The following DPP10 variants were observed in gnomAD, a reference collection of about 807,000 sequenced individuals.
DPP10 encodes the protein dipeptidyl peptidase like 10.
Under a neutral mutation model 120.9 loss-of-function variants are expected in DPP10, and 33 were observed. That is an observed-to-expected ratio of 0.27 (90% CI 0.21 to 0.37). DPP10 has a LOEUF of 0.37. DPP10 is among the 10% of genes least tolerant of loss of function. The pLI is 1.00. For synonymous variants in DPP10, 337 were observed against 326.1 expected (o/e 1.03, Z -0.36); for missense variants, 816 against 942.8 (o/e 0.87, Z 1.76).
chr2:115,381,833 C>T (rs1229616227), intron 3 of DPP10, among the ~76,000 whole-genome samples: 1 of 150,894 alleles, frequency 6.6e-6, no homozygotes, highest in Non-Finnish European at 1.5e-5. Flanking sequence ...CAGTCTGCCC[C>T]TGCTGGGGGG....
At chr2:114,555,128 C>T (rs1262865201) in intron 1 of DPP10, among the ~76,000 whole-genome samples, 2 of 152,168 alleles carry the variant, frequency 1.3e-5, no homozygotes, top group Non-Finnish European at 2.9e-5. Flanking sequence ...CTACCTCACC[C>T]AGAGCACAGT....
chr2:114,952,077 T>C (rs1025281139), intron 1 of DPP10, among the ~76,000 whole-genome samples: 8 of 151,956 alleles, frequency 5.3e-5, no homozygotes, highest in African/African-American at 1.9e-4. Context: ...TAGAATTCAG[T>C]ATATAATTTT....
intron 5 of DPP10, among the ~76,000 whole-genome samples, chr2:115,561,662 A>G (rs114387951): frequency 0.011 from 1,702 of 152,292 alleles, 31 homozygotes; most frequent in African/African-American, 0.04. Flanking sequence ...ATATAGAATA[A>G]TTATTTAACC....
At chr2:115,344,225 A>C (rs2063601055) in intron 3 of DPP10, among the ~76,000 whole-genome samples, 1 of 152,148 alleles carries the variant, frequency 6.6e-6, no homozygotes, top group Non-Finnish European at 1.5e-5. Flanking sequence ...TTAAATTAAA[A>C]CCTTGGTTCT....
In DPP10 at chr2:115,078,775, C is replaced by A. The variant is rs551061114; in HGVS notation, c.61-230464C>A. On this transcript the variant is annotated intron_variant, in intron 1 of 25. Transcript: ENST00000410059. The stretch of plus-strand genomic sequence containing the variant: ...GTGCAAACTTGATTTTAAAAAGTTT[C>A]TTTGGTCTTCATATTAAAGACATAT... Among the ~76,000 whole-genome samples, 29 of 150,372 alleles carry A rather than the reference C, an allele frequency of 1.9e-4. 1 individual carries two copies. In the South Asian group the frequency reaches 5.3e-3, roughly 28 times the overall value.
At chr2:115,765,234 T>C (rs551655695) in intron 12 of DPP10, among the ~76,000 whole-genome samples, 9 of 152,218 alleles carry the variant, frequency 5.9e-5, no homozygotes, top group African/African-American at 2.2e-4. Context: ...GAGGAGGCAA[T>C]GTAAATGGAA....
At chr2:115,378,344 G>A (rs1004104753) in intron 3 of DPP10, among the ~76,000 whole-genome samples, 2 of 117,724 alleles carry the variant, frequency 1.7e-5, no homozygotes, top group Non-Finnish European at 4.3e-5. Flanking sequence ...TCATGATTTG[G>A]CTCTCTGTTT....
chr2:114,791,043 A>C lies in DPP10; in HGVS notation c.60+348205A>C, dbSNP rs913552025. ...ATATTTAAGAAGAATGAAGTGTAAC[A>C]CTAAGAGACATAAAACCACTATTCT... On this transcript the variant is annotated intron_variant, in intron 1 of 25. Transcript: ENST00000410059. Among the ~76,000 whole-genome samples, 9 of 152,224 alleles carry C rather than the reference A, an allele frequency of 5.9e-5. 1 individual carries two copies. Among genetic ancestry groups the C allele is most frequent in the African/African-American group, 2.2e-4 (9 of 41,462 alleles).
intron 1 of DPP10, among the ~76,000 whole-genome samples, chr2:114,762,209 G>A (rs1680345484): frequency 6.6e-6 from 1 of 152,204 alleles, no homozygotes; most frequent in African/African-American, 2.4e-5. Flanking sequence ...TCCTCTTAAA[G>A]AGCAGCTCTG....
chr2:114,709,744 C>T (rs753708060), intron 1 of DPP10, among the ~76,000 whole-genome samples: 4 of 152,106 alleles, frequency 2.6e-5, no homozygotes, highest in African/African-American at 4.8e-5. Context: ...AATTGCAGAT[C>T]GATCTATATG....
chr2:115,412,032 G>T (rs531861657), intron 3 of DPP10, among the ~76,000 whole-genome samples: 1 of 152,130 alleles, frequency 6.6e-6, no homozygotes, highest in Non-Finnish European at 1.5e-5. Flanking sequence ...CACATTTACA[G>T]GAACAACTAC....
At chr2:115,433,176 CGTAAT>C (rs2071163136) in intron 3 of DPP10, among the ~76,000 whole-genome samples, 3 of 151,928 alleles carry the variant, frequency 2.0e-5, no homozygotes, top group Admixed American at 2.0e-4. Context: ...TTCCCTTTCT[CGTAAT>C]GTAACAATTT....
intron 1 of DPP10, chr2:114,833,860 T>C (rs1687363551): frequency 6.6e-6 from 1 of 152,150 alleles, no homozygotes; most frequent in Non-Finnish European, 1.5e-5. Flanking sequence ...TCATAAACCC[T>C]CTTTTTGTCC....
At chr2:115,392,150 C>T (rs973850504) in intron 3 of DPP10, among the ~76,000 whole-genome samples, 7 of 151,822 alleles carry the variant, frequency 4.6e-5, no homozygotes, top group Non-Finnish European at 8.8e-5. Context: ...TCTCTGTTGT[C>T]GATGGGAAAT....
chr2:114,649,249 A>T (rs1443906372), intron 1 of DPP10, among the ~76,000 whole-genome samples: 1 of 152,192 alleles, frequency 6.6e-6, no homozygotes, highest in Admixed American at 6.5e-5. Flanking sequence ...TCAAACTCTG[A>T]TACACATTAG....
intron 1 of DPP10, among the ~76,000 whole-genome samples, chr2:114,783,790 C>A (rs79838651): frequency 6.6e-6 from 1 of 151,902 alleles, no homozygotes; most frequent in African/African-American, 2.4e-5. Flanking sequence ...GCTGTGTTTG[C>A]GTCACTGCAC....
chr2:114,596,884 A>G (rs1244532004), intron 1 of DPP10, among the ~76,000 whole-genome samples: 1 of 152,048 alleles, frequency 6.6e-6, no homozygotes, highest in Non-Finnish European at 1.5e-5. Context: ...TATTATTTCA[A>G]TGAAATTCTG....
intron 1 of DPP10, among the ~76,000 whole-genome samples, chr2:115,002,720 CA>C (rs1423444120): frequency 6.6e-6 from 1 of 151,960 alleles, no homozygotes; most frequent in African/African-American, 2.4e-5. Flanking sequence ...AGACACTTAC[CA>C]AAAGAAGACA....
intron 3 of DPP10, among the ~76,000 whole-genome samples, chr2:115,439,875 A>T (rs1470045915): frequency 6.6e-6 from 1 of 152,146 alleles, no homozygotes; most frequent in Non-Finnish European, 1.5e-5. Context: ...TAAAAACTGG[A>T]TAAACATTTT....
Sources: allele counts gnomAD v4.1 joint callset (sites outside exome capture counted in the v4.1 genomes callset), GRCh38; gene constraint gnomAD v4.1.1; transcripts MANE v1.5; gene names NCBI Gene and HGNC (gene_info 2026-07-23, HGNC 2026-07-21).